Variants in GMEB1 observed in about 807,000 individuals in gnomAD.
The protein encoded by GMEB1 is glucocorticoid modulatory element-binding protein 1.
GMEB1 carries 6 observed loss-of-function variants against 52.4 expected under a neutral mutation model. The observed-to-expected ratio is 0.11, with a 90% CI of 0.06 to 0.23. GMEB1 has a LOEUF of 0.23. Among genes scored for constraint, GMEB1 ranks in the 10% least tolerant of loss-of-function variants. The pLI is 1.00. For synonymous variants in GMEB1, 255 were observed against 244.9 expected (o/e 1.04, Z -0.38); for missense variants, 486 against 685.6 (o/e 0.71, Z 3.25).
chr1:28,686,106 C>T (rs1032708956), intron 2 of GMEB1, among the ~76,000 whole-genome samples: 2 of 151,944 alleles, frequency 1.3e-5, no homozygotes, highest in Non-Finnish European at 2.9e-5. Flanking sequence ...TTTAGGAGGC[C>T]AAGATGGGAG....
chr1:28,702,308 T>C, intron 6 of GMEB1, 130 bp from the exon 7 acceptor site: 3 of 592,910 alleles, frequency 5.1e-6, no homozygotes, highest in Non-Finnish European at 8.4e-6. Flanking sequence ...GTTTTTAAAA[T>C]AGGGACCTGC....
At chr1:28,673,194 A>G (rs1668982842) in intron 1 of GMEB1, among the ~76,000 whole-genome samples, 1 of 143,384 alleles carries the variant, frequency 7.0e-6, no homozygotes, top group Non-Finnish European at 1.5e-5. Flanking sequence ...GCGCCCAGCC[A>G]GTATTACTCC....
At chr1:28,693,529 G>A (rs1210554930) in intron 5 of GMEB1, among the ~76,000 whole-genome samples, 1 of 147,972 alleles carries the variant, frequency 6.8e-6, no homozygotes, top group Non-Finnish European at 1.5e-5. Context: ...TTGTTTGTTT[G>A]TTTTTGAGAC....
chr1:28,684,416 A>G (rs934770821), intron 2 of GMEB1, among the ~76,000 whole-genome samples: 3 of 151,974 alleles, frequency 2.0e-5, no homozygotes, highest in African/African-American at 7.2e-5. Context: ...ACAAAAAATT[A>G]GCTGGGCGTG....
chr1:28,692,969 C>T lies in GMEB1; in HGVS notation c.364C>T (p.His122Tyr). 1.2e-6 allele frequency: 2 copies of T among 1,607,248 alleles called. No homozygotes were observed. Among genetic ancestry groups the T allele is most frequent in the Non-Finnish European group, 1.7e-6 (2 of 1,175,658 alleles). Residue 122 changes from histidine to tyrosine, a missense_variant, in exon 5 of 10, where the codon CAC becomes TAC. His to Tyr is a moderately conservative substitution (Grantham distance 83). Coordinates refer to ENST00000373816, the MANE Select transcript of GMEB1 (RefSeq NM_001319674.2). Reference protein sequence around the residue: ...KFNDQLISPKHFVHLAGKSTL... With the variant: ...KFNDQLISPKYFVHLAGKSTL... ...CAATGATCAGTTGATCAGCCCCAAG[C>T]ACTTTGTTCATCTGGCTGGCAAGTC... is the stretch of plus-strand genomic sequence containing the variant.
chr1:28,706,517 T>C (rs1430193809), intron 8 of GMEB1, among the ~76,000 whole-genome samples: 1 of 146,676 alleles, frequency 6.8e-6, no homozygotes, highest in Non-Finnish European at 1.5e-5. Flanking sequence ...GGTGGGAGAA[T>C]CGCTTGAACC....
intron 1 of GMEB1, among the ~76,000 whole-genome samples, chr1:28,682,945 A>C (rs1197437384): frequency 6.6e-6 from 1 of 152,196 alleles, no homozygotes; most frequent in African/African-American, 2.4e-5. Flanking sequence ...CGCTGATTTC[A>C]AGCTGTCAAC....
At chr1:28,712,101 T>C (rs973587776) in intron 9 of GMEB1, among the ~76,000 whole-genome samples, 1 of 152,206 alleles carries the variant, frequency 6.6e-6, no homozygotes, top group African/African-American at 2.4e-5. Flanking sequence ...TTCTTGCGTT[T>C]GATTAATTTG....
At chr1:28,708,759 G>A (rs1291116593) in intron 8 of GMEB1, among the ~76,000 whole-genome samples, 1 of 152,076 alleles carries the variant, frequency 6.6e-6, no homozygotes, top group African/African-American at 2.4e-5. Context: ...ACTCTGGGAG[G>A]CTGAAGCAGG....
intron 5 of GMEB1, among the ~76,000 whole-genome samples, chr1:28,695,491 C>G (rs1670158216): frequency 6.6e-6 from 1 of 151,762 alleles, no homozygotes; most frequent in Non-Finnish European, 1.5e-5. Context: ...CTTGGCCTCC[C>G]AAAGTGCTGA....
rs773726761 is a variant in GMEB1, at chr1:28,718,341, C to T, written c.*3568C>T. The T allele has an allele frequency of 1.3e-5, 2 of 152,228 alleles. No individual in the cohort carries two copies. The highest frequency in any genetic ancestry group is 4.8e-5 in the African/African-American group (2 of 41,450). The allele number at this position is 152,228 out of a possible 1,614,324, so 9.4% of individuals were successfully genotyped here. ...TTCAGCCAGGCATGGTGGCTCACAC[C>T]TAGAATCCCAGCACTTTCAGAAGCT... is the stretch of plus-strand genomic sequence containing the variant. On this transcript the variant is annotated 3_prime_UTR_variant, in exon 10 of 10. Coordinates refer to ENST00000373816, the MANE Select transcript of GMEB1 (RefSeq NM_001319674.2).
intron 2 of GMEB1, 63 bp downstream of exon 2, chr1:28,683,803 A>G: frequency 6.6e-7 from 1 of 1,509,618 alleles, no homozygotes. Flanking sequence ...TGGGGAAATT[A>G]TAACTTTATG....
chr1:28,678,592 A>G (rs927189722), intron 1 of GMEB1, among the ~76,000 whole-genome samples: 2 of 151,004 alleles, frequency 1.3e-5, no homozygotes, highest in African/African-American at 4.9e-5. Flanking sequence ...TACAGGTGCG[A>G]GCCACCGCGT....
At chr1:28,692,344 C>A (rs899161485) in intron 4 of GMEB1, among the ~76,000 whole-genome samples, 4 of 151,922 alleles carry the variant, frequency 2.6e-5, no homozygotes, top group African/African-American at 9.7e-5. Context: ...CCAGCCTGGA[C>A]AACATAGTGA....
intron 9 of GMEB1, among the ~76,000 whole-genome samples, chr1:28,712,411 G>A (rs1015161787): frequency 3.9e-5 from 6 of 152,166 alleles, no homozygotes; most frequent in African/African-American, 1.4e-4. Context: ...CTCCTTGGAG[G>A]TTCGGGGGGA....
intron 2 of GMEB1, among the ~76,000 whole-genome samples, chr1:28,687,374 ACACACACACAC>A (rs1669708089): frequency 1.7e-5 from 2 of 118,122 alleles, no homozygotes; most frequent in African/African-American, 6.8e-5. Flanking sequence ...ACACACACAC[ACACACACACAC>A]ACAAAAAAAG....
At chr1:28,682,025 A>C (rs1407033279) in intron 1 of GMEB1, among the ~76,000 whole-genome samples, 1 of 151,954 alleles carries the variant, frequency 6.6e-6, no homozygotes, top group Non-Finnish European at 1.5e-5. Flanking sequence ...TTTTGTACTC[A>C]AACTTGCATC....
Position 28,683,590 on chromosome 1 carries a change from A to G in GMEB1, c.-23A>G, listed in dbSNP as rs561289258. ...GCTTCTTGTTCCCGACAGCAGTCCC[A>G]GCTATCTGACTTCATGTGAAAGATG... is the stretch of plus-strand genomic sequence containing the variant. On this transcript the variant is annotated 5_prime_UTR_variant, in exon 2 of 10. Coordinates refer to ENST00000373816, the MANE Select transcript of GMEB1 (RefSeq NM_001319674.2). 53 of 1,587,842 alleles carry G rather than the reference A, an allele frequency of 3.3e-5. No homozygotes were observed. The East Asian group carries it at 1.2e-3, about 35-fold the overall frequency.
chr1:28,714,160 C>T lies in GMEB1; in HGVS notation c.1079C>T (p.Pro360Leu). ...SQTVQNVVLM[P>L]VSTPKPPKRP... ...ACAGTTCAAAATGTGGTACTGATGC[C>T]TGTGAGCACTCCTAAGCCTCCAAAA... The change falls in exon 10 of 10, where the codon CCT (proline) becomes CTT (leucine). Residue 360 changes from proline to leucine, a missense_variant. Around this residue, in one of 5 missense-constraint regions of GMEB1, gnomAD observed 200 missense variants for 253.5 expected, o/e 0.79. Coordinates refer to ENST00000373816, the MANE Select transcript of GMEB1 (RefSeq NM_001319674.2). 6.2e-7 allele frequency: 1 copy of T among 1,614,138 alleles called. No individual in the cohort carries two copies. Among genetic ancestry groups the T allele is most frequent in the Non-Finnish European group, 8.5e-7 (1 of 1,179,978 alleles).
Sources: allele counts gnomAD v4.1 joint callset (sites outside exome capture counted in the v4.1 genomes callset), GRCh38; gene constraint gnomAD v4.1.1; regional missense constraint gnomAD v4.1.1; transcripts MANE v1.5; gene names NCBI Gene and HGNC (gene_info 2026-07-23, HGNC 2026-07-21).